AGBL4: variants seen among roughly 807,000 people sequenced by gnomAD.
The protein encoded by AGBL4 is AGBL carboxypeptidase 4, also known as cytosolic carboxypeptidase 6.
A neutral mutation model predicts 66.4 loss-of-function variants in AGBL4; 58 were observed. The ratio of observed to expected loss-of-function variants is 0.87; its 90% CI spans 0.71 to 1.09. The LOEUF is 1.09. AGBL4 is among the 50% of genes least tolerant of loss of function. AGBL4 has a pLI of 0.00. For synonymous variants in AGBL4, 234 were observed against 222.9 expected (o/e 1.05, Z -0.44); for missense variants, 579 against 631.0 (o/e 0.92, Z 0.88).
chr1:48,993,184 T>C (rs1267691126), intron 5 of AGBL4, among the ~76,000 whole-genome samples: 1 of 152,154 alleles, frequency 6.6e-6, no homozygotes, highest in Non-Finnish European at 1.5e-5. Context: ...GGCCACGGGC[T>C]CTTTAGTCAG....
At chr1:50,002,387 T>TTTTTGTTG (rs1660823414) in intron 1 of AGBL4, among the ~76,000 whole-genome samples, 1 of 129,810 alleles carries the variant, frequency 7.7e-6, no homozygotes, top group African/African-American at 2.8e-5. Flanking sequence ...TTTTTTTTTT[T>TTTTTGTTG]GAGACGGAGT....
chr1:49,163,832 A>G (rs1276981950), intron 4 of AGBL4, among the ~76,000 whole-genome samples: 1 of 152,166 alleles, frequency 6.6e-6, no homozygotes, highest in Non-Finnish European at 1.5e-5. Flanking sequence ...CTCAAAAGAT[A>G]GAAAGGATCA....
intron 4 of AGBL4, among the ~76,000 whole-genome samples, chr1:49,112,798 G>A (rs1348366857): frequency 6.6e-6 from 1 of 152,082 alleles, no homozygotes; most frequent in African/African-American, 2.4e-5. Flanking sequence ...TCTAATTCTA[G>A]TTATCTTGAC....
At chr1:48,644,014 C>T (rs553944263) in intron 8 of AGBL4, among the ~76,000 whole-genome samples, 1 of 152,084 alleles carries the variant, frequency 6.6e-6, no homozygotes, top group African/African-American at 2.4e-5. Flanking sequence ...AATAATAAAG[C>T]TAATATTTTG....
chr1:48,635,088 G>A (rs1645647902), intron 8 of AGBL4, among the ~76,000 whole-genome samples: 1 of 152,168 alleles, frequency 6.6e-6, no homozygotes, highest in Non-Finnish European at 1.5e-5. Context: ...CCAAGGTCCA[G>A]AGAACTGTAA....
intron 3 of AGBL4, among the ~76,000 whole-genome samples, chr1:49,437,728 C>T (rs1645933601): frequency 1.3e-5 from 2 of 152,084 alleles, no homozygotes; most frequent in Non-Finnish European, 1.5e-5. Flanking sequence ...TTATTTTTTG[C>T]TTACATTTCA....
At position 49,259,030 on chromosome 1, in the gene AGBL4, C is replaced by T. The variant is rs546330392; in HGVS notation, c.283-13166G>A. 7.2e-5 allele frequency among the ~76,000 whole-genome samples: 11 copies of T among 152,184 alleles called. No homozygotes were observed. In the East Asian group the frequency reaches 1.2e-3, roughly 16 times the overall value. ...CATTCTTAAAGAAAATAATTTTCAA[C>T]CCAGAATTTCATATCCAGCCAAACT... On this transcript the variant is annotated intron_variant, in intron 3 of 13. Coordinates refer to ENST00000371839, the MANE Select transcript of AGBL4 (RefSeq NM_032785.4).
chr1:49,012,920 G>A (rs916272827), intron 5 of AGBL4, among the ~76,000 whole-genome samples: 1 of 152,190 alleles, frequency 6.6e-6, no homozygotes, highest in Non-Finnish European at 1.5e-5. Context: ...TTATTAATAA[G>A]TCATCATGTG....
chr1:48,543,001 C>T (rs935808084), intron 11 of AGBL4, among the ~76,000 whole-genome samples: 1 of 152,152 alleles, frequency 6.6e-6, no homozygotes, highest in African/African-American at 2.4e-5. Flanking sequence ...TCCCACTGTT[C>T]AGAGAAGATA....
intron 3 of AGBL4, among the ~76,000 whole-genome samples, chr1:49,662,029 A>G (rs1238595559): frequency 2.6e-5 from 4 of 151,992 alleles, no homozygotes; most frequent in Non-Finnish European, 5.9e-5. Context: ...ATAAATCTCA[A>G]GTAATCATGC....
intron 3 of AGBL4, among the ~76,000 whole-genome samples, chr1:49,622,485 C>T (rs1278702950): frequency 1.3e-5 from 2 of 150,638 alleles, no homozygotes; most frequent in Admixed American, 6.6e-5. Flanking sequence ...AAAAATTAGC[C>T]GGGCGTAGTG....
intron 6 of AGBL4, among the ~76,000 whole-genome samples, chr1:48,811,052 T>C (rs554628842): frequency 2.0e-4 from 31 of 152,106 alleles, no homozygotes; most frequent in Non-Finnish European, 3.4e-4. Flanking sequence ...CTCTGGAAAG[T>C]ATCAGGAATA....
intron 3 of AGBL4, among the ~76,000 whole-genome samples, chr1:49,365,748 C>T (rs998735767): frequency 1.3e-5 from 2 of 151,962 alleles, no homozygotes; most frequent in African/African-American, 4.8e-5. Context: ...TTCACCTCTG[C>T]TTGTCTTTGT....
intron 2 of AGBL4, among the ~76,000 whole-genome samples, chr1:49,742,689 G>C (rs985471439): frequency 1.3e-4 from 20 of 152,250 alleles, no homozygotes; most frequent in African/African-American, 4.6e-4. Flanking sequence ...GCATGGTACT[G>C]GTACCAAAAC....
chr1:49,160,822 G>A (rs1320340918), intron 4 of AGBL4, among the ~76,000 whole-genome samples: 5 of 152,144 alleles, frequency 3.3e-5, no homozygotes, highest in Non-Finnish European at 7.3e-5. Flanking sequence ...CAACCAATTC[G>A]AACTTCCAGG....
chr1:49,693,146 A>C (rs192723809), intron 3 of AGBL4, among the ~76,000 whole-genome samples: 3 of 152,318 alleles, frequency 2.0e-5, no homozygotes, highest in Admixed American at 1.3e-4. Flanking sequence ...AAGAAATTCA[A>C]ATAAAGGAAT....
chr1:49,136,304 A>T (rs1326635430), intron 4 of AGBL4, among the ~76,000 whole-genome samples: 2 of 152,138 alleles, frequency 1.3e-5, no homozygotes, highest in African/African-American at 4.8e-5. Flanking sequence ...TTCATTTGGG[A>T]CAATTATCCT....
rs1217838586 is a variant in AGBL4, at chr1:49,875,281, T to C, written c.35-23763A>G. Among the ~76,000 whole-genome samples the C allele has an allele frequency of 9.7e-5, 14 of 143,756 alleles. No individual in the cohort carries two copies. In the East Asian group the frequency reaches 2.9e-3, roughly 30 times the overall value. The allele number at this position is 143,756 out of a possible 152,430, so 94.3% of individuals were successfully genotyped here. A position where few individuals can be genotyped will look rare whatever the true frequency, so the allele number is the denominator to read the frequency against. On this transcript the variant is annotated intron_variant, in intron 1 of 13. Transcript: ENST00000371839. ...CCAACTCGTCATCTAGCATTAGGTA[T>C]ATCTCCCAATGCTATCCCTCCCCCC... is the stretch of plus-strand genomic sequence containing the variant.
chr1:48,720,714 A>G (rs1234928545), intron 6 of AGBL4, among the ~76,000 whole-genome samples: 1 of 152,158 alleles, frequency 6.6e-6, no homozygotes, highest in Admixed American at 6.5e-5. Flanking sequence ...GGTTCAGCAA[A>G]CATGTATAGA....
Sources: allele counts gnomAD v4.1 joint callset (sites outside exome capture counted in the v4.1 genomes callset), GRCh38; gene constraint gnomAD v4.1.1; transcripts MANE v1.5; gene names NCBI Gene and HGNC (gene_info 2026-07-23, HGNC 2026-07-21).